The following SRP9 variants were observed in gnomAD, a reference collection of about 807,000 sequenced individuals.
SRP9 encodes signal recognition particle 9 kDa protein.
A neutral mutation model predicts 11.7 loss-of-function variants in SRP9; 2 were observed. That is an observed-to-expected ratio of 0.17 (90% CI 0.07 to 0.54). The LOEUF is 0.54. Ranked by LOEUF, SRP9 falls within the 20% of genes least tolerant of loss-of-function variation. The pLI, the probability that SRP9 is intolerant of heterozygous loss-of-function variation, is 0.94. For missense variants in SRP9, 54 were observed against 108.1 expected (o/e 0.50, Z 2.22); for synonymous variants, 27 against 35.6 (o/e 0.76, Z 0.86).
At chr1:225,784,876 G>T (rs1665872703) in intron 2 of SRP9, among the ~76,000 whole-genome samples, 1 of 152,034 alleles carries the variant, frequency 6.6e-6, no homozygotes, top group African/African-American at 2.4e-5. Context: ...TGCTTCTTCT[G>T]TTCCTACCTT....
At chr1:225,783,046 C>G (rs1665830048) in intron 1 of SRP9, among the ~76,000 whole-genome samples, 2 of 151,712 alleles carry the variant, frequency 1.3e-5, no homozygotes, top group Admixed American at 1.3e-4. Context: ...TGAGAATGTT[C>G]AGTACATCTC....
At chr1:225,786,837 G>C in intron 2 of SRP9, 1 of 1,262,356 alleles carries the variant, frequency 7.9e-7, no homozygotes, top group South Asian at 1.3e-5. Context: ...TGATTGGTTG[G>C]TTGATTGCTT....
At chr1:225,784,279 C>T (rs754537043) in intron 2 of SRP9, among the ~76,000 whole-genome samples, 17 of 101,476 alleles carry the variant, frequency 1.7e-4, no homozygotes, top group East Asian at 3.0e-4. Flanking sequence ...CGGAGTCTTG[C>T]TCTGTCGCCC....
At chr1:225,782,197 C>T (rs1285538524) in intron 1 of SRP9, among the ~76,000 whole-genome samples, 2 of 151,854 alleles carry the variant, frequency 1.3e-5, no homozygotes, top group African/African-American at 4.8e-5. Flanking sequence ...TGGAGTCTCG[C>T]TCTGTCCCCA....
chr1:225,779,073 G>A (rs927099517), intron 1 of SRP9, among the ~76,000 whole-genome samples: 1 of 151,910 alleles, frequency 6.6e-6, no homozygotes, highest in African/African-American at 2.4e-5. Context: ...TGTATCCCTC[G>A]GAGAAGAAAG....
At position 225,777,979 on chromosome 1, in the gene SRP9, T is replaced by C. The variant is rs1395475821; in HGVS notation, c.39T>C (p.Ala13=). ...QYQTWEEFSR[A]AEKLYLADPM... ...AGACCTGGGAGGAGTTCAGCCGCGC[T>C]GCCGAGAAGCTTTACCTCGCTGACC... is the stretch of plus-strand genomic sequence containing the variant. Residue 13 remains alanine (A), a synonymous_variant, in exon 1 of 3, where the codon GCT becomes GCC. Coordinates refer to ENST00000304786, the MANE Select transcript of SRP9 (RefSeq NM_003133.6). 1.2e-6 allele frequency: 2 copies of C among 1,614,254 alleles called. No individual in the cohort carries two copies. The highest frequency in any genetic ancestry group is 1.1e-5 in the South Asian group (1 of 91,082).
chr1:225,782,008 A>C (rs1349392967), intron 1 of SRP9, among the ~76,000 whole-genome samples: 1 of 152,048 alleles, frequency 6.6e-6, no homozygotes, highest in Non-Finnish European at 1.5e-5. Context: ...GAATGCAAAG[A>C]CCGTAATGGG....
intron 2 of SRP9, among the ~76,000 whole-genome samples, chr1:225,783,883 T>C (rs1665845032): frequency 6.6e-6 from 1 of 152,218 alleles, no homozygotes; most frequent in Non-Finnish European, 1.5e-5. Flanking sequence ...ACCTCCTTGC[T>C]GCTTTTGATA....
chr1:225,787,526 T>A (rs775932214), intron 2 of SRP9, among the ~76,000 whole-genome samples: 6 of 152,016 alleles, frequency 3.9e-5, no homozygotes, highest in Non-Finnish European at 7.4e-5. Context: ...AGAACTAGAC[T>A]CGGTCTCAAA....
At chr1:225,784,229 C>CT (rs561503475) in intron 2 of SRP9, among the ~76,000 whole-genome samples, 369 of 34,450 alleles carry the variant, frequency 0.011, 104 homozygotes, top group African/African-American at 0.013. Flanking sequence ...ATCACCTGTT[C>CT]TTTTTTTTTT....
chr1:225,783,434 T>G, intron 2 of SRP9, 66 bp downstream of exon 2: 1 of 1,332,492 alleles, frequency 7.5e-7, no homozygotes, highest in Non-Finnish European at 1.1e-6. Context: ...TGTTTGAAAT[T>G]ATTTACTTAG....
chr1:225,790,240 TTA>T lies in SRP9; in HGVS notation c.*883_*884del, dbSNP rs1279610906. Reference sequence around the variant, plus strand: ...GTGTTAGGTGTGACTGTCACAACTGTTATGTTTTCCAGTAAACTAGAAGTACG... The same window carrying T: ...GTGTTAGGTGTGACTGTCACAACTGTTGTTTTCCAGTAAACTAGAAGTACG... On this transcript the variant is annotated 3_prime_UTR_variant, in exon 3 of 3. Transcript: ENST00000304786. 1.3e-5 allele frequency: 2 copies of T among 152,256 alleles called. No homozygotes were observed. 9.4% of individuals were successfully genotyped at this position (152,256 alleles called of 1,614,324 possible).
At chr1:225,780,518 A>G (rs1315498045) in intron 1 of SRP9, among the ~76,000 whole-genome samples, 3 of 152,166 alleles carry the variant, frequency 2.0e-5, no homozygotes, top group African/African-American at 7.2e-5. Context: ...GGCATTTAAT[A>G]TATATTTATG....
At position 225,779,012 on chromosome 1, in the gene SRP9, C is replaced by T. The variant is rs550123910; in HGVS notation, c.72+1000C>T. Among the ~76,000 whole-genome samples, 8 of 152,118 alleles carry T rather than the reference C, an allele frequency of 5.3e-5. No homozygotes were observed. The East Asian group carries it at 1.5e-3, about 29-fold the overall frequency. On this transcript the variant is annotated intron_variant, in intron 1 of 2. Transcript: ENST00000304786. ...AAGGTGAATGAGATTCCGTTCAACC[C>T]TTAAGGAGCTGGTATTATTGGAGGG...
intron 1 of SRP9, among the ~76,000 whole-genome samples, chr1:225,781,395 C>CTTTTTTTTTTTT (rs11315558): frequency 3.5e-4 from 31 of 87,784 alleles, no homozygotes; most frequent in East Asian, 7.8e-4. Context: ...TTTTCTTTTT[C>CTTTTTTTTTTTT]TTTTTTTTTT....
At chr1:225,783,462 C>T (rs1665837815) in intron 2 of SRP9, 94 bp downstream of exon 2, 1 of 965,196 alleles carries the variant, frequency 1.0e-6, no homozygotes, top group African/African-American at 1.6e-5. Context: ...GGAGATTACC[C>T]ATTAGGATGC....
intron 1 of SRP9, among the ~76,000 whole-genome samples, chr1:225,781,979 T>C (rs917359404): frequency 2.3e-4 from 35 of 149,930 alleles, no homozygotes; most frequent in Non-Finnish European, 4.8e-4. Flanking sequence ...GTGATGTAAC[T>C]TTTTTTTTTC....
chr1:225,784,229 CTTTTTTTTTTTTTTTTTTTT>C (rs561503475), intron 2 of SRP9, among the ~76,000 whole-genome samples: 9 of 34,458 alleles, frequency 2.6e-4, no homozygotes, highest in South Asian at 1.2e-3. Flanking sequence ...ATCACCTGTT[CTTTTTTTTTTTTTTTTTTTT>C]TTTTTTTTTT....
Position 225,787,980 on chromosome 1 carries a change from T to C in SRP9, c.142-1260T>C, listed in dbSNP as rs548837852. 1.5e-3 allele frequency among the ~76,000 whole-genome samples: 226 copies of C among 152,358 alleles called. 1 individual carries two copies. The highest frequency in any genetic ancestry group is 5.3e-3 in the African/African-American group (222 of 41,582). Reference sequence around the variant, plus strand: ...TTGACTTTTATTATAGGATCATTAGTTCCTGTTGTTTAAAACTCATGTGAA... The same window carrying C: ...TTGACTTTTATTATAGGATCATTAGCTCCTGTTGTTTAAAACTCATGTGAA... On this transcript the variant is annotated intron_variant, in intron 2 of 2. Transcript: ENST00000304786.
Sources: gnomAD v4.1 joint callset for allele counts (sites outside exome capture counted in the v4.1 genomes callset) on GRCh38, gnomAD v4.1.1 for gene constraint, MANE v1.5 for transcripts, NCBI Gene and HGNC (gene_info 2026-07-23, HGNC 2026-07-21) for gene names.